Variants in ERBB4 observed in about 807,000 individuals in gnomAD.
ERBB4 encodes the protein receptor tyrosine-protein kinase erbB-4.
A neutral mutation model predicts 158.0 loss-of-function variants in ERBB4; 42 were observed. That is an observed-to-expected ratio of 0.27 (90% CI 0.21 to 0.34). The LOEUF (loss-of-function observed/expected upper bound fraction) is 0.34. Among genes scored for constraint, ERBB4 ranks in the 10% least tolerant of loss-of-function variants. The pLI is 1.00. For synonymous variants in ERBB4, 583 were observed against 558.7 expected (o/e 1.04, Z -0.61); for missense variants, 1,333 against 1,624.1 (o/e 0.82, Z 3.08).
chr2:211,562,595 CAAGT>C (rs1318759765), intron 19 of ERBB4, among the ~76,000 whole-genome samples: 8 of 152,140 alleles, frequency 5.3e-5, no homozygotes, highest in African/African-American at 1.7e-4. Flanking sequence ...TAGATAATTA[CAAGT>C]AATATGTCTA....
chr2:212,083,838 T>C (rs1315662001), intron 2 of ERBB4, among the ~76,000 whole-genome samples: 2 of 151,600 alleles, frequency 1.3e-5, no homozygotes, highest in Non-Finnish European at 2.9e-5. Context: ...ATTTTCTGTA[T>C]GGTATCCCAA....
intron 20 of ERBB4, among the ~76,000 whole-genome samples, chr2:211,461,870 A>C (rs906468402): frequency 6.6e-6 from 1 of 151,908 alleles, no homozygotes; most frequent in Non-Finnish European, 1.5e-5. Context: ...AGTGTGTATT[A>C]GTTCCTACAC....
intron 3 of ERBB4, among the ~76,000 whole-genome samples, chr2:211,875,687 G>A (rs1471774119): frequency 6.6e-6 from 1 of 152,146 alleles, no homozygotes; most frequent in East Asian, 1.9e-4. Context: ...CAATGTCACA[G>A]GCCTTCACAT....
chr2:211,861,326 TG>T lies in ERBB4; in HGVS notation c.422-73168del, dbSNP rs201536413. On this transcript the variant is annotated intron_variant, in intron 3 of 27. Coordinates refer to ENST00000342788, the MANE Select transcript of ERBB4 (RefSeq NM_005235.3). ...CAAATTCATGCCATCAGTCCAGGCG[TG>T]TTTTTTTTTTTGTTTTTTTTTTGTT... Among the ~76,000 whole-genome samples the T allele has an allele frequency of 4.0e-3, 371 of 92,256 alleles. 3 individuals carry two copies. Among genetic ancestry groups the T allele is most frequent in the South Asian group, 1.0e-2 (22 of 2,210 alleles). The allele number at this position is 92,256 out of a possible 152,430, so 60.5% of individuals were successfully genotyped here.
At chr2:212,520,763 A>G (rs1575074399) in intron 1 of ERBB4, among the ~76,000 whole-genome samples, 1 of 152,102 alleles carries the variant, frequency 6.6e-6, no homozygotes, top group East Asian at 1.9e-4. Context: ...GGTTGTTGCA[A>G]AAAAGCAAGC....
chr2:211,602,915 T>C (rs999914350), intron 19 of ERBB4, among the ~76,000 whole-genome samples: 1 of 152,084 alleles, frequency 6.6e-6, no homozygotes, highest in Non-Finnish European at 1.5e-5. Flanking sequence ...GACTGCAGCA[T>C]GAGAGTGGAA....
intron 20 of ERBB4, among the ~76,000 whole-genome samples, chr2:211,466,621 C>G (rs899537883): frequency 6.6e-6 from 1 of 152,080 alleles, no homozygotes; most frequent in Non-Finnish European, 1.5e-5. Flanking sequence ...CACCACACAC[C>G]TGTGACTGAC....
At chr2:211,550,374 A>G (rs76248075) in intron 20 of ERBB4, among the ~76,000 whole-genome samples, 3 of 150,586 alleles carry the variant, frequency 2.0e-5, no homozygotes, top group Non-Finnish European at 4.4e-5. Context: ...TCTAATTTAG[A>G]AAAAAAAATG....
intron 1 of ERBB4, among the ~76,000 whole-genome samples, chr2:212,305,600 T>C (rs1016967756): frequency 6.6e-5 from 10 of 151,342 alleles, no homozygotes; most frequent in African/African-American, 2.4e-4. Flanking sequence ...CTTAACATTT[T>C]GAAAACATTT....
chr2:211,809,751 T>C (rs919585991), intron 3 of ERBB4, among the ~76,000 whole-genome samples: 55 of 152,188 alleles, frequency 3.6e-4, no homozygotes, highest in African/African-American at 1.3e-3. Context: ...TTCTTTGCTC[T>C]TGCTTCACTA....
chr2:211,967,927 C>G (rs2081348582), intron 2 of ERBB4, among the ~76,000 whole-genome samples: 1 of 151,732 alleles, frequency 6.6e-6, no homozygotes, highest in Admixed American at 6.6e-5. Flanking sequence ...TGTCTTTTCT[C>G]TGTGGGGATG....
At chr2:212,146,951 A>T (rs920557126) in intron 1 of ERBB4, among the ~76,000 whole-genome samples, 1 of 148,720 alleles carries the variant, frequency 6.7e-6, no homozygotes, top group South Asian at 2.1e-4. Flanking sequence ...TGGGGGAAAA[A>T]GTTGGCAGAG....
chr2:212,145,388 C>G (rs191205097), intron 1 of ERBB4, among the ~76,000 whole-genome samples: 119 of 152,148 alleles, frequency 7.8e-4, no homozygotes, highest in Non-Finnish European at 1.1e-3. Context: ...ATTTTGGTAC[C>G]AATTGTTATA....
chr2:211,570,777 A>G (rs1485172729), intron 19 of ERBB4, among the ~76,000 whole-genome samples: 3 of 151,932 alleles, frequency 2.0e-5, no homozygotes, highest in Non-Finnish European at 4.4e-5. Context: ...GTCCCCCTTT[A>G]GCTATTTCTT....
At chr2:211,894,864 A>T (rs375162741) in intron 3 of ERBB4, among the ~76,000 whole-genome samples, 1 of 152,180 alleles carries the variant, frequency 6.6e-6, no homozygotes. Context: ...TAATTTAAGG[A>T]ATCATTTGTG....
At chr2:211,900,079 C>G (rs2079193465) in intron 3 of ERBB4, among the ~76,000 whole-genome samples, 1 of 152,124 alleles carries the variant, frequency 6.6e-6, no homozygotes, top group South Asian at 2.1e-4. Context: ...AGGGGCTGCT[C>G]TGCACACAGT....
At chr2:212,291,331 A>G (rs901573359) in intron 1 of ERBB4, among the ~76,000 whole-genome samples, 3 of 152,136 alleles carry the variant, frequency 2.0e-5, no homozygotes, top group African/African-American at 7.2e-5. Context: ...TCTAACGAAC[A>G]GTTATATAAG....
chr2:211,557,704 T>A (rs1559293559), intron 20 of ERBB4, among the ~76,000 whole-genome samples: 1 of 152,102 alleles, frequency 6.6e-6, no homozygotes, highest in Non-Finnish European at 1.5e-5. Context: ...TGGAAAGCAG[T>A]CTAGCAATTC....
intron 20 of ERBB4, among the ~76,000 whole-genome samples, chr2:211,529,441 A>G (rs1297959166): frequency 6.6e-6 from 1 of 152,064 alleles, no homozygotes; most frequent in East Asian, 1.9e-4. Flanking sequence ...ACTAATACCA[A>G]TCCTATTCAA....
Sources: allele counts gnomAD v4.1 joint callset (sites outside exome capture counted in the v4.1 genomes callset), GRCh38; gene constraint gnomAD v4.1.1; transcripts MANE v1.5; gene names NCBI Gene and HGNC (gene_info 2026-07-23, HGNC 2026-07-21).